CEP72: variants seen among roughly 807,000 people sequenced by gnomAD.
CEP72 encodes the protein centrosomal protein 72.
In CEP72, 78 loss-of-function variants were observed where a neutral mutation model predicts 65.7. The ratio of observed to expected loss-of-function variants is 1.19; its 90% CI spans 0.99 to 1.43. The LOEUF (loss-of-function observed/expected upper bound fraction) is 1.43. CEP72 is among the 40% of genes most tolerant of loss of function. The pLI, the probability that CEP72 is intolerant of heterozygous loss-of-function variation, is 0.00. For missense variants in CEP72, 914 were observed against 832.9 expected (o/e 1.10, Z -1.20); for synonymous variants, 358 against 351.7 (o/e 1.02, Z -0.20).
At chr5:654,464 T>TGTGC (rs1168840367), downstream of CEP72, among the ~76,000 whole-genome samples, 21 of 151,944 alleles carry the variant, frequency 1.4e-4, no homozygotes, top group Non-Finnish European at 2.4e-4. Flanking sequence ...TCTGTGTGTG[T>TGTGC]GTGTGTGTGC....
chr5:642,457 A>G, intron 9 of CEP72: 2 of 985,500 alleles, frequency 2.0e-6, no homozygotes, highest in Non-Finnish European at 2.4e-6. Flanking sequence ...GGGCGCCGTC[A>G]CTGATGATGT....
chr5:620,904 C>G (rs1388249284), intron 3 of CEP72, among the ~76,000 whole-genome samples: 1 of 152,310 alleles, frequency 6.6e-6, no homozygotes, highest in African/African-American at 2.4e-5. Context: ...GGCATTGTTG[C>G]TGTTGCTGTT....
At chr5:672,704 A>G in the CEP72 span, among the ~76,000 whole-genome samples, 1 of 152,148 alleles carries the variant, frequency 6.6e-6, no homozygotes, top group African/African-American at 2.4e-5. Context: ...TTCGCTGTCC[A>G]TGGCTCTACC....
At chr5:622,720 C>T (rs1736470833) in intron 3 of CEP72, among the ~76,000 whole-genome samples, 1 of 152,180 alleles carries the variant, frequency 6.6e-6, no homozygotes, top group Non-Finnish European at 1.5e-5. Context: ...TGACACTCTT[C>T]CCCCTGGGAT....
At chr5:671,932 A>G (rs1160670818), downstream of CEP72, among the ~76,000 whole-genome samples, 2 of 152,216 alleles carry the variant, frequency 1.3e-5, no homozygotes, top group Non-Finnish European at 2.9e-5. Flanking sequence ...GGAGCAATGC[A>G]GCCCTGAGGC....
intron 10 of CEP72, among the ~76,000 whole-genome samples, chr5:647,025 T>G (rs1738471922): frequency 6.6e-6 from 1 of 152,234 alleles, no homozygotes; most frequent in African/African-American, 2.4e-5. Flanking sequence ...CTGCGCTTCC[T>G]TCATTCATGC....
chr5:638,021 G>A (rs1737739797), intron 7 of CEP72, among the ~76,000 whole-genome samples: 2 of 152,242 alleles, frequency 1.3e-5, no homozygotes, highest in Non-Finnish European at 2.9e-5. Flanking sequence ...CTTTGGCGGT[G>A]CCGTGATTAC....
intron 10 of CEP72, 137 bp downstream of exon 10, chr5:644,562 C>CCAGTGAGGCAGGGG: frequency 9.9e-7 from 1 of 1,011,906 alleles, no homozygotes; most frequent in Non-Finnish European, 1.5e-6. Flanking sequence ...CGAGCCCCTG[C>CCAGTGAGGCAGGGG]CTCACTGGCT....
intron 9 of CEP72, chr5:643,802 C>T (rs1410800145): frequency 4.0e-5 from 10 of 250,746 alleles, no homozygotes; most frequent in Non-Finnish European, 5.7e-5. Flanking sequence ...TTCCCCTCCT[C>T]GATGACAGCT....
chr5:657,769 G>T (rs185199600), downstream of CEP72, among the ~76,000 whole-genome samples: 1 of 152,356 alleles, frequency 6.6e-6, no homozygotes, highest in East Asian at 1.9e-4. Flanking sequence ...CACTGTGATA[G>T]CTTCCCTGCC....
At chr5:668,620 G>A (rs774970934), downstream of CEP72, among the ~76,000 whole-genome samples, 120 of 152,384 alleles carry the variant, frequency 7.9e-4, no homozygotes, top group Non-Finnish European at 1.3e-3. Context: ...GCCGAGCAAC[G>A]CGGCAGAGCC....
rs1359854089 is a variant in CEP72, at chr5:640,609, G to GC, written c.1539+8dup. 3 of 1,607,442 alleles carry GC rather than the reference G, an allele frequency of 1.9e-6. No homozygotes were observed. Among genetic ancestry groups the GC allele is most frequent in the Admixed American group, 1.7e-5 (1 of 59,722 alleles). The stretch of plus-strand genomic sequence containing the variant: ...CACCACACACACAAGGAGCTGGTGA[G>GC]CCCGCCCTGGCGCTGTGTCTGTGTC... On this transcript the variant is annotated splice_donor_region_variant and intron_variant, in intron 9 of 11. Coordinates refer to ENST00000264935, the MANE Select transcript of CEP72 (RefSeq NM_018140.4).
At chr5:651,920 A>G (rs1739133266) in intron 11 of CEP72, among the ~76,000 whole-genome samples, 1 of 149,378 alleles carries the variant, frequency 6.7e-6, no homozygotes, top group African/African-American at 2.5e-5. Context: ...GGGTTCGACC[A>G]CAGTCTGGTC....
chr5:629,382 GA>G, intron 4 of CEP72, among the ~76,000 whole-genome samples: 1 of 152,248 alleles, frequency 6.6e-6, no homozygotes, highest in African/African-American at 2.4e-5. Flanking sequence ...TTTAATTTTT[GA>G]ACCAATCCTA....
chr5:620,355 T>C (rs1228362509), intron 3 of CEP72, 94 bp downstream of exon 3: 3 of 1,081,116 alleles, frequency 2.8e-6, no homozygotes, highest in Non-Finnish European at 4.1e-6. Flanking sequence ...CAACGTCACA[T>C]GCTTGATTCC....
chr5:616,600 T>G (rs192136880), intron 1 of CEP72, among the ~76,000 whole-genome samples: 6,364 of 152,248 alleles, frequency 0.042, 449 homozygotes, highest in African/African-American at 0.15. Context: ...TTGAGAAGAC[T>G]CCTCACTCGA....
At chr5:641,484 A>G (rs1321932549) in intron 9 of CEP72, 5 of 985,466 alleles carry the variant, frequency 5.1e-6, no homozygotes, top group Non-Finnish European at 6.0e-6. Context: ...CATGGGAACC[A>G]ACATCTCAGA....
intron 9 of CEP72, chr5:641,010 CAGGGCAAGTTACCCCAAAACCAGCAGCTG>C (rs1737977812): frequency 2.0e-6 from 2 of 985,346 alleles, no homozygotes; most frequent in Non-Finnish European, 2.4e-6. Flanking sequence ...GCTGGGGCTA[CAGGGCAAGTTACCCCAAAACCAGCAGCTG>C]AAAACCTGCA....
At chr5:674,709 T>C in the CEP72 span, among the ~76,000 whole-genome samples, 3 of 152,012 alleles carry the variant, frequency 2.0e-5, no homozygotes, top group Admixed American at 1.3e-4. Context: ...GGCCCGCTGC[T>C]GCAGGAGGCT....
Sources: gnomAD v4.1 joint callset for allele counts (sites outside exome capture counted in the v4.1 genomes callset) on GRCh38, gnomAD v4.1.1 for gene constraint, MANE v1.5 for transcripts, NCBI Gene and HGNC (gene_info 2026-07-23, HGNC 2026-07-21) for gene names.